NCAM1: variants seen among roughly 807,000 people sequenced by gnomAD.
NCAM1 encodes neural cell adhesion molecule 1.
Under a neutral mutation model 109.8 loss-of-function variants are expected in NCAM1, and 14 were observed. The observed-to-expected ratio is 0.13, with a 90% CI of 0.08 to 0.20. The LOEUF (loss-of-function observed/expected upper bound fraction) is 0.20. Ranked by LOEUF, NCAM1 falls within the 10% of genes least tolerant of loss-of-function variation. The probability of loss-of-function intolerance (pLI) is 1.00; values close to 1 mark genes in which losing one functional copy is unlikely to be tolerated. For missense variants in NCAM1, 774 were observed against 1,109.9 expected, an observed-to-expected ratio of 0.70 and a Z score of 4.30; for synonymous variants, 418 against 442.9, an observed-to-expected ratio of 0.94 and a Z score of 0.70.
chr11:113,022,023 G>A (rs763080825), intron 1 of NCAM1, among the ~76,000 whole-genome samples: 1 of 152,190 alleles, frequency 6.6e-6, no homozygotes, highest in East Asian at 1.9e-4. Context: ...GAATTATATA[G>A]TCAAAGCCAA....
Position 112,963,908 on chromosome 11 carries a change from C to A in NCAM1, c.52+2244C>A, listed in dbSNP as rs550764255. Among the ~76,000 whole-genome samples the A allele has an allele frequency of 1.3e-5, 2 of 151,976 alleles. No homozygotes were observed. The highest frequency in any genetic ancestry group is 4.8e-5 in the African/African-American group (2 of 41,366). ...AATGAAAGCGACCTCTTTCCTGGCC[C>A]GGTACCTTGAGGATGGGAAGAAGGC... On this transcript the variant is annotated intron_variant, in intron 1 of 19. Coordinates refer to ENST00000316851, the MANE Select transcript of NCAM1 (RefSeq NM_181351.5). The surrounding 1 kb of genome is among the most constrained non-coding windows in gnomAD (Gnocchi z 4.6).
Position 112,962,254 on chromosome 11 carries a change from G to A in NCAM1, c.52+590G>A, listed in dbSNP as rs528786577. 7.9e-5 allele frequency among the ~76,000 whole-genome samples: 12 copies of A among 152,332 alleles called. No homozygotes were observed. Among genetic ancestry groups the A allele is most frequent in the African/African-American group, 2.6e-4 (11 of 41,582 alleles). ...GCAGAATCGCACGGCCGTTGTTGTT[G>A]GTGTGACCGTTGTTGCACCCCAGTC... is the stretch of plus-strand genomic sequence containing the variant. On this transcript the variant is annotated intron_variant, in intron 1 of 19. Coordinates refer to ENST00000316851, the MANE Select transcript of NCAM1 (RefSeq NM_181351.5). This position sits in a 1 kb window ranked among gnomAD's most constrained non-coding sequence, Gnocchi z 5.6.
chr11:113,136,420 A>G (rs984969921), intron 1 of NCAM1, among the ~76,000 whole-genome samples: 3 of 152,206 alleles, frequency 2.0e-5, no homozygotes, highest in Non-Finnish European at 4.4e-5. Flanking sequence ...CACTCTCCAG[A>G]GGGCTCTCCT....
At chr11:113,241,393 T>C (rs1945321232) in intron 14 of NCAM1, among the ~76,000 whole-genome samples, 1 of 152,216 alleles carries the variant, frequency 6.6e-6, no homozygotes, top group Non-Finnish European at 1.5e-5. Context: ...CAGTAGGCGC[T>C]TAGGCAAATC....
intron 1 of NCAM1, among the ~76,000 whole-genome samples, chr11:112,989,817 T>G (rs1349529086): frequency 4.6e-5 from 7 of 152,350 alleles, no homozygotes; most frequent in Non-Finnish European, 8.8e-5. Context: ...CAGTAAATTT[T>G]TATTCAAGGA....
intron 1 of NCAM1, among the ~76,000 whole-genome samples, chr11:113,077,967 G>A (rs1236259994): frequency 2.0e-5 from 3 of 152,288 alleles, no homozygotes; most frequent in East Asian, 1.9e-4. Context: ...AATTACAGGC[G>A]TGAGCCACCG....
chr11:113,165,180 C>A (rs1287075011), intron 1 of NCAM1, among the ~76,000 whole-genome samples: 6 of 152,116 alleles, frequency 3.9e-5, no homozygotes, highest in African/African-American at 1.4e-4. Context: ...TTGTGGAACC[C>A]ACCTTTCCAT....
chr11:113,198,679 C>T (rs568789603), intron 1 of NCAM1, among the ~76,000 whole-genome samples: 28 of 152,184 alleles, frequency 1.8e-4, no homozygotes, highest in Admixed American at 6.5e-4. Context: ...CTCTTTCTAG[C>T]CTATGATTTG....
At chr11:113,189,833 A>C (rs1262697528) in intron 1 of NCAM1, among the ~76,000 whole-genome samples, 2 of 151,150 alleles carry the variant, frequency 1.3e-5, no homozygotes, top group African/African-American at 4.9e-5. Context: ...TGATTGCTTA[A>C]ATAAAAAATA....
At chr11:113,265,944 C>T (rs1946126267) in intron 17 of NCAM1, among the ~76,000 whole-genome samples, 1 of 152,130 alleles carries the variant, frequency 6.6e-6, no homozygotes, top group South Asian at 2.1e-4. Flanking sequence ...TAGTGCCAAC[C>T]CCTCCCAAGC....
intron 1 of NCAM1, among the ~76,000 whole-genome samples, chr11:113,132,603 C>CGTGT (rs1941434494): frequency 9.2e-6 from 1 of 108,664 alleles, no homozygotes; most frequent in Non-Finnish European, 1.8e-5. Context: ...TATTAGGAAG[C>CGTGT]ATGTGTGTGT....
At chr11:113,023,523 A>G (rs1261503292) in intron 1 of NCAM1, among the ~76,000 whole-genome samples, 2 of 152,240 alleles carry the variant, frequency 1.3e-5, no homozygotes, top group Non-Finnish European at 2.9e-5. Context: ...ACATTCTGAA[A>G]GAAGAAAACC....
At chr11:113,023,567 T>C (rs1952455668) in intron 1 of NCAM1, among the ~76,000 whole-genome samples, 1 of 152,214 alleles carries the variant, frequency 6.6e-6, no homozygotes, top group South Asian at 2.1e-4. Flanking sequence ...AACACAGTTT[T>C]CCTTTAAAAG....
At chr11:113,092,934 A>G (rs575269433) in intron 1 of NCAM1, among the ~76,000 whole-genome samples, 2 of 152,356 alleles carry the variant, frequency 1.3e-5, no homozygotes, top group South Asian at 2.1e-4. Context: ...AATGCTGAAT[A>G]TGAAAATACT....
At chr11:113,225,201 T>C (rs1337869939) in intron 9 of NCAM1, among the ~76,000 whole-genome samples, 1 of 152,104 alleles carries the variant, frequency 6.6e-6, no homozygotes, top group East Asian at 1.9e-4. Flanking sequence ...ATTAGACAAA[T>C]GGCTAACTAG....
At chr11:113,197,632 T>C (rs148525017) in intron 1 of NCAM1, among the ~76,000 whole-genome samples, 24 of 152,316 alleles carry the variant, frequency 1.6e-4, no homozygotes, top group Non-Finnish European at 2.6e-4. Context: ...ATCTGTAATG[T>C]CTTCCTCAGC....
intron 1 of NCAM1, among the ~76,000 whole-genome samples, chr11:113,055,078 A>G (rs990183025): frequency 6.6e-5 from 10 of 152,176 alleles, no homozygotes; most frequent in Non-Finnish European, 1.2e-4. Context: ...CATGAAGCAC[A>G]TTCTTTATGT....
At chr11:113,181,818 A>G (rs540784625) in intron 1 of NCAM1, among the ~76,000 whole-genome samples, 26 of 152,118 alleles carry the variant, frequency 1.7e-4, no homozygotes, top group Non-Finnish European at 3.4e-4. Context: ...ACAGATAGCC[A>G]CTCAGGATTA....
In NCAM1 at chr11:113,274,214, C is replaced by T. The variant is rs1946357427; in HGVS notation, c.2457-1053C>T. 6.6e-6 allele frequency among the ~76,000 whole-genome samples: 1 copy of T among 152,136 alleles called. No homozygotes were observed. Among genetic ancestry groups the T allele is most frequent in the South Asian group, 2.1e-4 (1 of 4,828 alleles). On this transcript the variant is annotated intron_variant, in intron 19 of 19. Transcript: ENST00000316851. The surrounding 1 kb of genome is among the most constrained non-coding windows in gnomAD (Gnocchi z 4.1). ...AGGGGAGGGTGCAGTTCAGAGGTCCCCTCACACTGTGGCTCAGATGCTCAC... is the reference window on the plus strand; with the variant it reads ...AGGGGAGGGTGCAGTTCAGAGGTCCTCTCACACTGTGGCTCAGATGCTCAC...
Sources: gnomAD v4.1 joint callset for allele counts (sites outside exome capture counted in the v4.1 genomes callset) on GRCh38, gnomAD v4.1.1 for gene constraint, Gnocchi (gnomAD v3.1) non-coding constraint, MANE v1.5 for transcripts, NCBI Gene and HGNC (gene_info 2026-07-23, HGNC 2026-07-21) for gene names.